Variants in NFRKB observed in about 807,000 individuals in gnomAD.
NFRKB encodes nuclear factor related to kappaB binding protein.
Under a neutral mutation model 135.7 loss-of-function variants are expected in NFRKB, and 62 were observed. The ratio of observed to expected loss-of-function variants is 0.46; its 90% CI spans 0.37 to 0.56. NFRKB has a LOEUF of 0.56. Ranked by LOEUF, NFRKB falls within the 20% of genes least tolerant of loss-of-function variation. NFRKB has a pLI of 0.00. For synonymous variants in NFRKB, 678 were observed against 635.6 expected (o/e 1.07, Z -1.00); for missense variants, 1,545 against 1,662.0 (o/e 0.93, Z 1.22).
chr11:129,890,925 T>C (rs7941558), intron 3 of NFRKB, among the ~76,000 whole-genome samples: 2,478 of 152,374 alleles, frequency 0.016, 75 homozygotes, highest in African/African-American at 0.055. Context: ...AAAATATACC[T>C]TTTAAAAATG....
At chr11:129,893,410 A>AAAAAAAAC in intron 2 of NFRKB, 1 of 381,722 alleles carries the variant, frequency 2.6e-6, no homozygotes, top group Non-Finnish European at 5.1e-6. Flanking sequence ...AAAAAAAAAA[A>AAAAAAAAC]TCAGCCAGGC....
chr11:129,871,109 C>T (rs1030051114), intron 23 of NFRKB, among the ~76,000 whole-genome samples: 3 of 152,234 alleles, frequency 2.0e-5, no homozygotes, highest in African/African-American at 7.2e-5. Context: ...ATAAAAGCAA[C>T]AAACATCCTC....
intron 11 of NFRKB, 104 bp from the exon 12 acceptor site, chr11:129,881,957 G>A (rs1216076123): frequency 1.8e-5 from 27 of 1,496,640 alleles, no homozygotes; most frequent in East Asian, 4.6e-5. Flanking sequence ...GTGTTTGTCC[G>A]AATCACAAAG....
chr11:129,873,595 A>T, intron 22 of NFRKB, 150 bp downstream of exon 22: 1 of 1,113,984 alleles, frequency 9.0e-7, no homozygotes. Flanking sequence ...CACAGCTCTG[A>T]ACATTCAGTG....
In NFRKB at chr11:129,869,724, C is replaced by T. The variant is rs1948402490; in HGVS notation, c.3301G>A (p.Ala1101Thr). ...GTTGCAACGGTGATGGTCTGGCCTG[C>T]TTTGGGAGGCATCACTCCCAGTCCC... Reference protein sequence around the residue: ...VQGLGVMPPKAGQTITVATHA... With the variant: ...VQGLGVMPPKTGQTITVATHA... The change falls in exon 24 of 27, where the codon GCA (alanine) becomes ACA (threonine). Residue 1101 changes from alanine to threonine, a missense_variant. This residue lies in a region of NFRKB where 753 missense variants were observed against 804.3 expected (regional missense o/e 0.94). Coordinates refer to ENST00000682444, the MANE Select transcript of NFRKB (RefSeq NM_001143835.2). 1.2e-6 allele frequency: 2 copies of T among 1,614,120 alleles called. No individual in the cohort carries two copies. The highest frequency in any genetic ancestry group is 1.7e-5 in the Admixed American group (1 of 60,018).
At chr11:129,880,975 T>A (rs911324515) in intron 13 of NFRKB, among the ~76,000 whole-genome samples, 2 of 152,210 alleles carry the variant, frequency 1.3e-5, no homozygotes, top group Admixed American at 6.5e-5. Flanking sequence ...TTCAGATGCA[T>A]GTTATGACAA....
intron 2 of NFRKB, chr11:129,893,434 C>T (rs2135680515): frequency 3.1e-6 from 1 of 327,682 alleles, no homozygotes; most frequent in Admixed American, 3.8e-5. Flanking sequence ...GTGGCGCACG[C>T]CTGTAGTCCC....
chr11:129,893,282 G>C, intron 2 of NFRKB: 1 of 468,046 alleles, frequency 2.1e-6, no homozygotes, highest in Non-Finnish European at 4.1e-6. Context: ...GCTGGGTGCA[G>C]TAACTCACAC....
At chr11:129,885,331 G>T in intron 6 of NFRKB, 104 bp downstream of exon 6, 3 of 1,320,924 alleles carry the variant, frequency 2.3e-6, no homozygotes, top group East Asian at 4.9e-5. Context: ...AACTCAAGAG[G>T]GTTTCTTTGC....
chr11:129,893,883 C>T (rs1380574342), intron 2 of NFRKB: 1 of 152,210 alleles, frequency 6.6e-6, no homozygotes, highest in Admixed American at 6.5e-5. Flanking sequence ...TCTTGTATAA[C>T]CTCGCAACAT....
At chr11:129,865,227 A>C in intron 25 of NFRKB, 126 bp from the exon 26 acceptor site, 1 of 1,150,336 alleles carries the variant, frequency 8.7e-7, no homozygotes, top group Non-Finnish European at 1.2e-6. Context: ...TTTCAGATTG[A>C]AATGGAAACC....
intron 13 of NFRKB, 84 bp from the exon 14 acceptor site, chr11:129,878,627 A>T: frequency 9.1e-7 from 1 of 1,093,366 alleles, no homozygotes; most frequent in East Asian, 2.4e-5. Context: ...AGCTGTAACT[A>T]CAACACAGAG....
Position 129,864,805 on chromosome 11 carries a change from C to T in NFRKB, c.3820G>A (p.Ala1274Thr). Residue 1274 changes from alanine to threonine, a missense_variant, in exon 27 of 27, where the codon GCT becomes ACT. This residue lies in a region of NFRKB where 753 missense variants were observed against 804.3 expected (regional missense o/e 0.94). Coordinates refer to ENST00000682444, the MANE Select transcript of NFRKB (RefSeq NM_001143835.2). ...GAGACTGCTTTGGAGGAGCCAGAAG[C>T]TGTTCCCTGTTGGAGATGGGATGCA... ...VPASHLQQGT[A>T]SGSSKAVSTV... is the part of the protein sequence containing the mutation. 6.2e-7 allele frequency: 1 copy of T among 1,614,216 alleles called. No homozygotes were observed. The highest frequency in any genetic ancestry group is 1.1e-5 in the South Asian group (1 of 91,084).
chr11:129,887,655 C>T (rs1421423101), intron 4 of NFRKB, among the ~76,000 whole-genome samples: 2 of 152,164 alleles, frequency 1.3e-5, no homozygotes, highest in African/African-American at 2.4e-5. Context: ...GCTAAAGAGA[C>T]GTAAGGCCCA....
intron 13 of NFRKB, among the ~76,000 whole-genome samples, chr11:129,879,110 G>C (rs1948908403): frequency 6.6e-6 from 1 of 152,122 alleles, no homozygotes; most frequent in Non-Finnish European, 1.5e-5. Context: ...TGTTCAGGCT[G>C]TCTGAGACCC....
At position 129,874,714 on chromosome 11, in the gene NFRKB, G is replaced by T. The variant is rs780426364; in HGVS notation, c.1978+79C>A. ...CATCTTGTCCTACCTATATGCCAAT[G>T]AAAAGAATAATGGAATTGGGGTAGA... On this transcript the variant is annotated intron_variant, in intron 19 of 26. Coordinates refer to ENST00000682444, the MANE Select transcript of NFRKB (RefSeq NM_001143835.2). The surrounding 1 kb of genome is among the most constrained non-coding windows in gnomAD (Gnocchi z 4.5). 4.3e-6 allele frequency: 7 copies of T among 1,610,060 alleles called. No homozygotes were observed. Among genetic ancestry groups the T allele is most frequent in the Admixed American group, 3.3e-5 (2 of 59,928 alleles).
intron 22 of NFRKB, 118 bp from the exon 23 acceptor site, chr11:129,873,214 C>CAGTA: frequency 1.2e-6 from 1 of 834,790 alleles, no homozygotes; most frequent in South Asian, 1.8e-5. Context: ...TCTAATCCCA[C>CAGTA]AGTACTTAAG....
Position 129,886,531 on chromosome 11 carries a change from G to A in NFRKB, c.338-87C>T. The A allele has an allele frequency of 9.6e-6, 12 of 1,250,318 alleles. No individual in the cohort carries two copies. The Middle Eastern group carries it at 1.3e-3, about 139-fold the overall frequency. The allele number at this position is 1,250,318 out of a possible 1,614,324, so 77.5% of individuals were successfully genotyped here. A position where few individuals can be genotyped will look rare whatever the true frequency, so the allele number is the denominator to read the frequency against. On this transcript the variant is annotated intron_variant, in intron 4 of 26. Coordinates refer to ENST00000682444, the MANE Select transcript of NFRKB (RefSeq NM_001143835.2). ...AATATATTGAATGAGTGCTTAACATGGTAAACTCTGTACCACAAAACTTAA... is the reference window on the plus strand; with the variant it reads ...AATATATTGAATGAGTGCTTAACATAGTAAACTCTGTACCACAAAACTTAA...
At chr11:129,894,741 G>C (rs545934871) in intron 1 of NFRKB, among the ~76,000 whole-genome samples, 1 of 152,292 alleles carries the variant, frequency 6.6e-6, no homozygotes, top group African/African-American at 2.4e-5. Context: ...AAGTGAAGCG[G>C]GTGAGACAGC....
Sources: gnomAD v4.1 joint callset for allele counts (sites outside exome capture counted in the v4.1 genomes callset) on GRCh38, gnomAD v4.1.1 for gene constraint, gnomAD v4.1.1 regional missense constraint, Gnocchi (gnomAD v3.1) non-coding constraint, MANE v1.5 for transcripts, NCBI Gene and HGNC (gene_info 2026-07-23, HGNC 2026-07-21) for gene names.